PSMD14: variants seen among roughly 807,000 people sequenced by gnomAD.
The protein encoded by PSMD14 is proteasome 26S subunit, non-ATPase 14.
PSMD14 carries 7 observed loss-of-function variants against 41.2 expected under a neutral mutation model. That is an observed-to-expected ratio of 0.17 (90% CI 0.10 to 0.32). The LOEUF (loss-of-function observed/expected upper bound fraction) is 0.32, where lower values mean the gene tolerates loss of function less well. PSMD14 is among the 10% of genes least tolerant of loss of function. PSMD14 has a pLI of 1.00. For missense variants in PSMD14, 139 were observed against 375.6 expected (o/e 0.37, Z 5.21); for synonymous variants, 114 against 122.3 (o/e 0.93, Z 0.45).
In PSMD14 at chr2:161,385,517, T is replaced by C; in HGVS notation, c.516T>C (p.His172=). ...LINANMMVLG[H]EPRQTTSNLG... is the part of the protein sequence containing the mutation. Reference sequence around the variant, plus strand: ...ATGCTAATATGATGGTCTTAGGACATGAACCAAGACAAACAACTTCGAATC... The same window carrying C: ...ATGCTAATATGATGGTCTTAGGACACGAACCAAGACAAACAACTTCGAATC... The change falls in exon 8 of 12, where the codon CAT becomes CAC. Residue 172 remains histidine, a synonymous_variant. Coordinates refer to ENST00000409682, the MANE Select transcript of PSMD14 (RefSeq NM_005805.6). The C allele has an allele frequency of 6.2e-7, 1 of 1,610,026 alleles. No homozygotes were observed. The highest frequency in any genetic ancestry group is 8.5e-7 in the Non-Finnish European group (1 of 1,177,316).
rs1683877199 is a variant in PSMD14, at chr2:161,401,496, T to C, written c.771+6293T>C. ...CAATGTGGTCTTTTAGCTGGGGTCATTGATACCTTTAGTAAAATCAGAGTT... is the reference window on the plus strand; with the variant it reads ...CAATGTGGTCTTTTAGCTGGGGTCACTGATACCTTTAGTAAAATCAGAGTT... On this transcript the variant is annotated intron_variant, in intron 10 of 11. Coordinates refer to ENST00000409682, the MANE Select transcript of PSMD14 (RefSeq NM_005805.6). 2.6e-5 allele frequency among the ~76,000 whole-genome samples: 4 copies of C among 152,212 alleles called. 1 individual carries two copies. The South Asian group carries it at 8.3e-4, about 31-fold the overall frequency.
At chr2:161,405,250 C>T (rs1037609993) in intron 10 of PSMD14, among the ~76,000 whole-genome samples, 1 of 152,124 alleles carries the variant, frequency 6.6e-6, no homozygotes, top group Non-Finnish European at 1.5e-5. Context: ...ATGATGTGTT[C>T]CTCCCTAATG....
chr2:161,336,133 TGG>T (rs1682865651), intron 3 of PSMD14, among the ~76,000 whole-genome samples: 1 of 19,604 alleles, frequency 5.1e-5, no homozygotes, highest in East Asian at 7.7e-4. Flanking sequence ...TTTATTCATT[TGG>T]TCTCCACCTT....
intron 1 of PSMD14, among the ~76,000 whole-genome samples, chr2:161,310,226 A>G (rs1689073076): frequency 6.6e-6 from 1 of 152,202 alleles, no homozygotes; most frequent in African/African-American, 2.4e-5. Flanking sequence ...CATGTAAACC[A>G]TGTGCTTGTT....
chr2:161,365,082 G>A (rs772385158), intron 3 of PSMD14, among the ~76,000 whole-genome samples: 3 of 152,088 alleles, frequency 2.0e-5, no homozygotes, highest in Non-Finnish European at 2.9e-5. Flanking sequence ...CTCCAGCCTG[G>A]GTGACAGAGC....
chr2:161,383,669 T>A (rs1342625043), intron 7 of PSMD14: 1 of 151,596 alleles, frequency 6.6e-6, no homozygotes, highest in African/African-American at 2.4e-5. Context: ...GTAGTAGCTT[T>A]TTCTCCCTCT....
intron 10 of PSMD14, 23 bp from the exon 11 acceptor site, chr2:161,408,814 T>C: frequency 6.4e-7 from 1 of 1,565,562 alleles, no homozygotes; most frequent in Non-Finnish European, 8.8e-7. Flanking sequence ...TTTTAAACTC[T>C]GTCCTTTGTG....
intron 10 of PSMD14, among the ~76,000 whole-genome samples, chr2:161,396,764 C>T (rs1683803116): frequency 1.3e-5 from 2 of 152,216 alleles, no homozygotes; most frequent in South Asian, 4.1e-4. Context: ...TAAAAAGTTT[C>T]TGAAGTCTAG....
chr2:161,349,600 G>A (rs1574125681), intron 3 of PSMD14, among the ~76,000 whole-genome samples: 1 of 152,276 alleles, frequency 6.6e-6, no homozygotes. Context: ...AGTCTGTGGA[G>A]CACTGACCTA....
chr2:161,397,451 A>G (rs1683816534), intron 10 of PSMD14, among the ~76,000 whole-genome samples: 1 of 152,148 alleles, frequency 6.6e-6, no homozygotes, highest in Admixed American at 6.5e-5. Context: ...AGCATTTTCA[A>G]TTTAGGTAGA....
At chr2:161,403,274 G>A (rs1191556976) in intron 10 of PSMD14, among the ~76,000 whole-genome samples, 1 of 152,126 alleles carries the variant, frequency 6.6e-6, no homozygotes, top group Non-Finnish European at 1.5e-5. Flanking sequence ...CATGGTAAGT[G>A]AAAGAAGACA....
intron 3 of PSMD14, among the ~76,000 whole-genome samples, chr2:161,356,249 T>C (rs1351172333): frequency 6.6e-6 from 1 of 152,162 alleles, no homozygotes; most frequent in Non-Finnish European, 1.5e-5. Flanking sequence ...TAACACCTCC[T>C]ATAACAGGTT....
chr2:161,370,234 C>T (rs1418423696), intron 6 of PSMD14, 57 bp downstream of exon 6: 13 of 1,265,790 alleles, frequency 1.0e-5, no homozygotes, highest in African/African-American at 1.5e-5. Context: ...TAGAAACATA[C>T]CTCAAAGTTA....
chr2:161,390,988 A>G (rs1683703626), intron 8 of PSMD14, 116 bp from the exon 9 acceptor site: 4 of 931,614 alleles, frequency 4.3e-6, no homozygotes, highest in Non-Finnish European at 5.8e-6. Flanking sequence ...CTTGAAATAA[A>G]ATGCCTTTAT....
At chr2:161,399,852 G>T (rs1683851329) in intron 10 of PSMD14, among the ~76,000 whole-genome samples, 1 of 151,962 alleles carries the variant, frequency 6.6e-6, no homozygotes, top group Non-Finnish European at 1.5e-5. Flanking sequence ...CTCTTTAAAG[G>T]ATTTATTATG....
At chr2:161,316,066 A>G (rs1029122772) in intron 1 of PSMD14, among the ~76,000 whole-genome samples, 2 of 151,800 alleles carry the variant, frequency 1.3e-5, no homozygotes, top group East Asian at 3.9e-4. Context: ...CTGGTCTCCA[A>G]CTCCTGACCT....
chr2:161,309,820 GT>G (rs1221425250), intron 1 of PSMD14, among the ~76,000 whole-genome samples: 1 of 149,414 alleles, frequency 6.7e-6, no homozygotes, highest in African/African-American at 2.5e-5. Context: ...TTGGTTTTTT[GT>G]TTTTTTTTCA....
rs1045030982 is a variant in PSMD14, at chr2:161,392,506, TGGG to T, written c.645+1333_645+1335del. Among the ~76,000 whole-genome samples the T allele has an allele frequency of 3.9e-5, 6 of 152,160 alleles. No homozygotes were observed. The East Asian group carries it at 1.2e-3, about 29-fold the overall frequency. On this transcript the variant is annotated intron_variant, in intron 9 of 11. Transcript: ENST00000409682. ...TCCATTTTTAATCTAATCTATATGCTGGGGGGGAGGATGTGCAATATAAGATTT... is the reference window on the plus strand; with the variant it reads ...TCCATTTTTAATCTAATCTATATGCTGGGGAGGATGTGCAATATAAGATTT...
chr2:161,397,238 G>A (rs1395926608), intron 10 of PSMD14, among the ~76,000 whole-genome samples: 1 of 152,166 alleles, frequency 6.6e-6, no homozygotes, highest in Non-Finnish European at 1.5e-5. Flanking sequence ...GAAATGGAGA[G>A]TGTGTTTAAG....
Sources: allele counts gnomAD v4.1 joint callset (sites outside exome capture counted in the v4.1 genomes callset), GRCh38; gene constraint gnomAD v4.1.1; transcripts MANE v1.5; gene names NCBI Gene and HGNC (gene_info 2026-07-23, HGNC 2026-07-21).